NEK11: variants seen among roughly 807,000 people sequenced by gnomAD.
NEK11 encodes the protein NIMA related kinase 11.
In NEK11, 72 loss-of-function variants were observed where a neutral mutation model predicts 80.7. The observed-to-expected ratio is 0.89, with a 90% CI of 0.74 to 1.08. NEK11 has a LOEUF of 1.08. NEK11 is among the 50% of genes least tolerant of loss of function. NEK11 has a pLI of 0.00. For synonymous variants in NEK11, 251 were observed against 260.7 expected (o/e 0.96, Z 0.36); for missense variants, 764 against 763.6 (o/e 1.00, Z -0.01).
At chr3:131,078,840 C>G (rs985288851) in intron 3 of NEK11, among the ~76,000 whole-genome samples, 7 of 150,834 alleles carry the variant, frequency 4.6e-5, no homozygotes, top group Non-Finnish European at 7.4e-5. Flanking sequence ...GTATAGCCAG[C>G]ATCCAATGTC....
intron 14 of NEK11, among the ~76,000 whole-genome samples, chr3:131,193,099 A>G (rs1239966935): frequency 1.3e-5 from 2 of 152,194 alleles, no homozygotes; most frequent in Non-Finnish European, 2.9e-5. Flanking sequence ...TAATAAATCT[A>G]TACATATTAA....
chr3:131,334,610 C>G (rs200029792), intron 17 of NEK11, among the ~76,000 whole-genome samples: 1,673 of 151,358 alleles, frequency 0.011, 25 homozygotes, highest in East Asian at 0.087. Flanking sequence ...CAAGAAATAA[C>G]TAAAATCAGA....
intron 3 of NEK11, among the ~76,000 whole-genome samples, chr3:131,063,463 AG>A (rs373319887): frequency 2.0e-5 from 3 of 152,156 alleles, no homozygotes; most frequent in African/African-American, 7.2e-5. Flanking sequence ...CAACTCTTGG[AG>A]GGCAACTGTC....
chr3:131,198,538 T>C (rs563051086), intron 14 of NEK11, among the ~76,000 whole-genome samples: 3 of 152,154 alleles, frequency 2.0e-5, no homozygotes, highest in Non-Finnish European at 2.9e-5. Context: ...CACAGTAAGA[T>C]CTCTTCCCTG....
rs1042836166 is a variant in NEK11 at position 131,140,728 on chromosome 3, A to G, written c.647+6772A>G. On this transcript the variant is annotated intron_variant, in intron 7 of 17. Transcript: ENST00000383366. Reference sequence around the variant, plus strand: ...AGAAGTGGCTTGTGCCAGAAAAGCAATCTGGCACTCTACTTGCTGGTCTGT... The same window carrying G: ...AGAAGTGGCTTGTGCCAGAAAAGCAGTCTGGCACTCTACTTGCTGGTCTGT... Among the ~76,000 whole-genome samples, 3 of 152,180 alleles carry G rather than the reference A, an allele frequency of 2.0e-5. No homozygotes were observed. In the East Asian group the frequency reaches 5.8e-4, roughly 29 times the overall value.
intron 3 of NEK11, among the ~76,000 whole-genome samples, chr3:131,034,180 T>C (rs921516192): frequency 2.0e-5 from 3 of 152,310 alleles, no homozygotes; most frequent in African/African-American, 7.2e-5. Context: ...AGAAAAGAGA[T>C]ATTAAGGAAA....
At chr3:131,221,404 G>A (rs1467881768) in intron 14 of NEK11, among the ~76,000 whole-genome samples, 1 of 152,130 alleles carries the variant, frequency 6.6e-6, no homozygotes, top group East Asian at 1.9e-4. Flanking sequence ...GTAGGTTGGA[G>A]GTATAGGCAA....
chr3:131,310,008 A>AAC (rs2096763735), intron 17 of NEK11, among the ~76,000 whole-genome samples: 1 of 147,846 alleles, frequency 6.8e-6, no homozygotes, highest in Non-Finnish European at 1.5e-5. Flanking sequence ...AAAAAAAAAA[A>AAC]AAAAAAAAAA....
At chr3:131,156,746 A>T (rs2090712011) in intron 10 of NEK11, among the ~76,000 whole-genome samples, 1 of 152,184 alleles carries the variant, frequency 6.6e-6, no homozygotes, top group South Asian at 2.1e-4. Context: ...CCTACTTCAT[A>T]GAGTTGCTCT....
chr3:131,206,504 T>C (rs1216533546), intron 14 of NEK11, among the ~76,000 whole-genome samples: 1 of 152,172 alleles, frequency 6.6e-6, no homozygotes, highest in Non-Finnish European at 1.5e-5. Context: ...AATATTAGAA[T>C]CGTTAGGGTT....
At chr3:131,208,146 G>A (rs1312576495) in intron 14 of NEK11, among the ~76,000 whole-genome samples, 13 of 152,154 alleles carry the variant, frequency 8.5e-5, no homozygotes, top group Non-Finnish European at 2.9e-5. Context: ...TTTTGTACAA[G>A]GTGTAAGGAA....
intron 17 of NEK11, among the ~76,000 whole-genome samples, chr3:131,335,511 A>T (rs1487135555): frequency 6.6e-6 from 1 of 152,246 alleles, no homozygotes; most frequent in East Asian, 1.9e-4. Flanking sequence ...AGCCAATATC[A>T]TACTGAATGG....
At chr3:131,109,588 G>A in intron 4 of NEK11, 1 of 451,928 alleles carries the variant, frequency 2.2e-6, no homozygotes. Context: ...ATTCGTGTTT[G>A]TTAAAGTCTT....
At chr3:131,263,198 C>A (rs1561263083) in intron 16 of NEK11, among the ~76,000 whole-genome samples, 1 of 152,022 alleles carries the variant, frequency 6.6e-6, no homozygotes, top group Non-Finnish European at 1.5e-5. Context: ...CCACCCACCC[C>A]ACGACAGGCC....
chr3:131,265,745 G>A (rs1212327360), intron 16 of NEK11, among the ~76,000 whole-genome samples: 1 of 152,150 alleles, frequency 6.6e-6, no homozygotes, highest in African/African-American at 2.4e-5. Context: ...AGTCAGGGAG[G>A]AATCCCTCTT....
intron 3 of NEK11, among the ~76,000 whole-genome samples, chr3:131,057,133 C>T (rs1455608570): frequency 8.1e-5 from 12 of 147,858 alleles, no homozygotes; most frequent in Admixed American, 2.8e-4. Context: ...TGAGAACACG[C>T]GGTGTTTGGT....
At chr3:131,062,154 C>G (rs938261102) in intron 3 of NEK11, among the ~76,000 whole-genome samples, 1 of 152,180 alleles carries the variant, frequency 6.6e-6, no homozygotes, top group African/African-American at 2.4e-5. Context: ...ACAACATTCC[C>G]TATACCAAGG....
intron 17 of NEK11, among the ~76,000 whole-genome samples, chr3:131,301,150 A>G (rs2096656998): frequency 6.6e-6 from 1 of 152,134 alleles, no homozygotes. Flanking sequence ...ATTGTGAAAG[A>G]GATTGCATTC....
At chr3:131,326,446 ACTC>A (rs1235167640) in intron 17 of NEK11, among the ~76,000 whole-genome samples, 5 of 151,938 alleles carry the variant, frequency 3.3e-5, no homozygotes, top group African/African-American at 1.2e-4. Context: ...ACAGTTGGTG[ACTC>A]TTCTTCAGAG....
Sources: gnomAD v4.1 joint callset for allele counts (sites outside exome capture counted in the v4.1 genomes callset) on GRCh38, gnomAD v4.1.1 for gene constraint, MANE v1.5 for transcripts, NCBI Gene and HGNC (gene_info 2026-07-23, HGNC 2026-07-21) for gene names.